The following ARK2C variants were observed in gnomAD, a reference collection of about 807,000 sequenced individuals.
ARK2C encodes the protein E3 ubiquitin-protein ligase ARK2C.
At chr18:46,342,633 G>T in the ARK2C span, among the ~76,000 whole-genome samples, 2 of 152,228 alleles carry the variant, frequency 1.3e-5, no homozygotes, top group African/African-American at 4.8e-5. Flanking sequence ...GGGAGGTGGA[G>T]TCTGTACCCT....
chr18:46,391,403 G>C, the ARK2C span, among the ~76,000 whole-genome samples: 4 of 152,098 alleles, frequency 2.6e-5, no homozygotes, highest in Non-Finnish European at 5.9e-5. Flanking sequence ...CCTAGTACGG[G>C]GCTGGGCTCA....
At chr18:46,402,155 G>A in the ARK2C span, among the ~76,000 whole-genome samples, 1 of 152,154 alleles carries the variant, frequency 6.6e-6, no homozygotes, top group Non-Finnish European at 1.5e-5. Context: ...TGTATATTTG[G>A]TGAGTTCTGA....
At chr18:46,357,323 C>A in the ARK2C span, among the ~76,000 whole-genome samples, 7,700 of 152,262 alleles carry the variant, frequency 0.051, 276 homozygotes, top group Non-Finnish European at 0.079. Flanking sequence ...CTGTAGTGAA[C>A]AGAGCCCAGG....
At chr18:46,450,938 G>A in the ARK2C span, 3 of 648,628 alleles carry the variant, frequency 4.6e-6, no homozygotes, top group African/African-American at 1.8e-5. Context: ...CTCTAAAGCT[G>A]TAATAACTTC....
At chr18:46,453,473 G>A in the ARK2C span, among the ~76,000 whole-genome samples, 1 of 151,946 alleles carries the variant, frequency 6.6e-6, no homozygotes, top group African/African-American at 2.4e-5. Context: ...GAAATGGACT[G>A]AATCAAGTAG....
the ARK2C span, among the ~76,000 whole-genome samples, chr18:46,429,495 T>G: frequency 6.6e-6 from 1 of 152,254 alleles, no homozygotes; most frequent in South Asian, 2.1e-4. Context: ...CTGATATTGC[T>G]TATGTTATTC....
chr18:46,437,138 T>TCCCTGCCCTAGCAGGGGAGGCTAGGAGG, the ARK2C span, among the ~76,000 whole-genome samples: 1 of 152,008 alleles, frequency 6.6e-6, no homozygotes, highest in African/African-American at 2.4e-5. Flanking sequence ...GGGAGGCTGG[T>TCCCTGCCCTAGCAGGGGAGGCTAGGAGG]CCCTGCCCTA....
chr18:46,336,620 T>C, the ARK2C span: 2 of 985,470 alleles, frequency 2.0e-6, no homozygotes, highest in Non-Finnish European at 2.4e-6. Flanking sequence ...AAATCTGTTC[T>C]TTTTAGTTTC....
At chr18:46,438,297 G>T in the ARK2C span, among the ~76,000 whole-genome samples, 1 of 152,182 alleles carries the variant, frequency 6.6e-6, no homozygotes, top group Non-Finnish European at 1.5e-5. Flanking sequence ...TTCTCTTTGA[G>T]TCAGGTCCTG....
At chr18:46,336,442 A>C in the ARK2C span, 1 of 985,342 alleles carries the variant, frequency 1.0e-6, no homozygotes, top group African/African-American at 1.7e-5. Flanking sequence ...TTTCACGGCA[A>C]ACATGCCCAC....
At chr18:46,428,441 A>T in the ARK2C span, among the ~76,000 whole-genome samples, 4 of 151,590 alleles carry the variant, frequency 2.6e-5, no homozygotes, top group African/African-American at 9.7e-5. Flanking sequence ...AAAAACAAAC[A>T]AACAAAACCA....
chr18:46,370,175 A>G, the ARK2C span, among the ~76,000 whole-genome samples: 2 of 152,168 alleles, frequency 1.3e-5, no homozygotes, highest in African/African-American at 4.8e-5. Flanking sequence ...ATAGAATAGT[A>G]ATTAACATTT....
At chr18:46,342,677 G>A in the ARK2C span, among the ~76,000 whole-genome samples, 1 of 152,224 alleles carries the variant, frequency 6.6e-6, no homozygotes. Context: ...TCCCCTTCCT[G>A]AGGCCTTGAG....
the ARK2C span, chr18:46,459,972 CCAAT>C: frequency 1.3e-5 from 2 of 152,614 alleles, no homozygotes; most frequent in Non-Finnish European, 1.5e-5. Context: ...ACCGAGGACG[CCAAT>C]CAATCAACCC....
At chr18:46,395,852 A>G in the ARK2C span, among the ~76,000 whole-genome samples, 2 of 152,186 alleles carry the variant, frequency 1.3e-5, no homozygotes, top group Non-Finnish European at 2.9e-5. Flanking sequence ...TTGAGTAGAG[A>G]ACCACAATCA....
chr18:46,413,814 A>C, the ARK2C span, among the ~76,000 whole-genome samples: 1 of 152,212 alleles, frequency 6.6e-6, no homozygotes, highest in African/African-American at 2.4e-5. Flanking sequence ...ATGTACATAC[A>C]GAGAAAAACA....
At chr18:46,339,891 C>T in the ARK2C span, among the ~76,000 whole-genome samples, 1 of 152,248 alleles carries the variant, frequency 6.6e-6, no homozygotes, top group Non-Finnish European at 1.5e-5. Flanking sequence ...CCCACCCTGT[C>T]CTTCCCATCT....
chr18:46,421,074 T>C, the ARK2C span, among the ~76,000 whole-genome samples: 1 of 152,140 alleles, frequency 6.6e-6, no homozygotes, highest in Non-Finnish European at 1.5e-5. Context: ...TGAAATTGCT[T>C]CTTCTTCTGT....
chr18:46,448,943 A>C, the ARK2C span, among the ~76,000 whole-genome samples: 1 of 152,184 alleles, frequency 6.6e-6, no homozygotes. Flanking sequence ...TTGTATAATA[A>C]GGAGCTTGCA....
Sources: allele counts gnomAD v4.1 joint callset (sites outside exome capture counted in the v4.1 genomes callset), GRCh38; gene constraint gnomAD v4.1.1; transcripts MANE v1.5; gene names NCBI Gene and HGNC (gene_info 2026-07-23, HGNC 2026-07-21).